Variants in SLC24A2 observed in about 807,000 individuals in gnomAD.
The protein encoded by SLC24A2 is solute carrier family 24 member 2, also known as sodium/potassium/calcium exchanger 2.
Under a neutral mutation model 62.0 loss-of-function variants are expected in SLC24A2, and 36 were observed. That is an observed-to-expected ratio of 0.58 (90% confidence interval 0.44 to 0.77). SLC24A2 has a LOEUF of 0.77. SLC24A2 is among the 30% of genes least tolerant of loss of function. The pLI is 0.00. For missense variants in SLC24A2, 846 were observed against 817.9 expected (o/e 1.03, Z -0.42); for synonymous variants, 358 against 294.0 (o/e 1.22, Z -2.23).
intron 2 of SLC24A2, among the ~76,000 whole-genome samples, chr9:19,654,618 G>T (rs1818892535): frequency 6.6e-6 from 1 of 152,136 alleles, no homozygotes; most frequent in African/African-American, 2.4e-5. Context: ...CATTTGTCCG[G>T]CAGGTCTGGG....
chr9:19,836,735 A>G, the SLC24A2 span, among the ~76,000 whole-genome samples: 2 of 152,244 alleles, frequency 1.3e-5, no homozygotes, highest in African/African-American at 4.8e-5. Flanking sequence ...TTATGAGGCC[A>G]GCATCATCCT....
intron 5 of SLC24A2, among the ~76,000 whole-genome samples, chr9:19,577,639 A>C (rs1836062211): frequency 6.6e-6 from 1 of 152,144 alleles, no homozygotes; most frequent in South Asian, 2.1e-4. Context: ...TTAAGAAGGC[A>C]ACTGATTCCA....
At chr9:20,106,725 A>G in the SLC24A2 span, among the ~76,000 whole-genome samples, 2 of 152,190 alleles carry the variant, frequency 1.3e-5, no homozygotes, top group Non-Finnish European at 1.5e-5. Context: ...ATCTATGACA[A>G]ACCCACAGCC....
At chr9:20,207,968 G>C in the SLC24A2 span, among the ~76,000 whole-genome samples, 5 of 152,172 alleles carry the variant, frequency 3.3e-5, no homozygotes, top group Admixed American at 2.0e-4. Flanking sequence ...CCTATGTCTA[G>C]CAAGACACTT....
At chr9:20,175,971 G>C in the SLC24A2 span, among the ~76,000 whole-genome samples, 1 of 151,996 alleles carries the variant, frequency 6.6e-6, no homozygotes, top group Admixed American at 6.6e-5. Flanking sequence ...GGTGTGAGCT[G>C]AGCTAGGAAG....
intron 7 of SLC24A2, among the ~76,000 whole-genome samples, chr9:19,557,291 TAGG>T (rs1337143773): frequency 6.6e-6 from 1 of 152,184 alleles, no homozygotes; most frequent in African/African-American, 2.4e-5. Flanking sequence ...ACATGAAGTG[TAGG>T]AGTTCAGTCA....
chr9:19,691,036 C>A (rs1236062279), intron 2 of SLC24A2, among the ~76,000 whole-genome samples: 3 of 152,072 alleles, frequency 2.0e-5, no homozygotes, highest in Admixed American at 6.6e-5. Context: ...ATAATGAAAA[C>A]CTTTGAAGCT....
At chr9:19,864,302 G>A in the SLC24A2 span, among the ~76,000 whole-genome samples, 12 of 151,816 alleles carry the variant, frequency 7.9e-5, no homozygotes, top group Non-Finnish European at 1.6e-4. Context: ...AGGAGGCAGA[G>A]GGAATACTTC....
At chr9:19,779,572 T>A (rs144645435) in intron 2 of SLC24A2, among the ~76,000 whole-genome samples, 163 of 152,138 alleles carry the variant, frequency 1.1e-3, no homozygotes, top group African/African-American at 3.3e-3. Context: ...ATTAACAGAT[T>A]AAGAAACATC....
chr9:19,879,562 T>C, the SLC24A2 span, among the ~76,000 whole-genome samples: 3 of 152,160 alleles, frequency 2.0e-5, no homozygotes, highest in Non-Finnish European at 4.4e-5. Context: ...TGAATAGTAA[T>C]TTTTTCATTT....
chr9:19,509,748 G>C lies in SLC24A2; in HGVS notation c.*6405C>G, dbSNP rs1398659250. 1.3e-5 allele frequency: 2 copies of C among 152,052 alleles called. No homozygotes were observed. Among genetic ancestry groups the C allele is most frequent in the Non-Finnish European group, 2.9e-5 (2 of 67,992 alleles). The allele number at this position is 152,052 out of a possible 1,614,324, so 9.4% of individuals were successfully genotyped here. A position where few individuals can be genotyped will look rare whatever the true frequency, so the allele number is the denominator to read the frequency against. ...TTTTATGACATGATTTTAAAAATTA[G>C]TATTTTCTTTTGGTTAGCTGAGTAT... On this transcript the variant is annotated 3_prime_UTR_variant, in exon 11 of 11. Coordinates refer to ENST00000341998, the MANE Select transcript of SLC24A2 (RefSeq NM_020344.4).
the SLC24A2 span, among the ~76,000 whole-genome samples, chr9:20,041,141 C>T: frequency 1.2e-4 from 18 of 152,150 alleles, no homozygotes; most frequent in South Asian, 1.9e-3. Flanking sequence ...AGAGAGAGTG[C>T]GTGTGTGTAC....
chr9:20,038,430 T>C, the SLC24A2 span, among the ~76,000 whole-genome samples: 1 of 152,174 alleles, frequency 6.6e-6, no homozygotes, highest in Admixed American at 6.5e-5. Context: ...GCTGGAATTA[T>C]ATATCCAGTG....
the SLC24A2 span, among the ~76,000 whole-genome samples, chr9:20,304,958 T>G: frequency 6.6e-6 from 1 of 151,920 alleles, no homozygotes; most frequent in Non-Finnish European, 1.5e-5. Flanking sequence ...AGTCTTATGA[T>G]CATACCATGC....
chr9:19,954,631 T>C, the SLC24A2 span, among the ~76,000 whole-genome samples: 6 of 152,200 alleles, frequency 3.9e-5, no homozygotes, highest in African/African-American at 1.4e-4. Flanking sequence ...TATCCACCTC[T>C]AGTTCTAAGA....
chr9:20,160,728 G>A, the SLC24A2 span, among the ~76,000 whole-genome samples: 11 of 150,920 alleles, frequency 7.3e-5, no homozygotes, highest in African/African-American at 7.3e-5. Flanking sequence ...AAAAACCTAC[G>A]TATTAGAATC....
chr9:19,846,962 C>T, the SLC24A2 span, among the ~76,000 whole-genome samples: 10 of 152,152 alleles, frequency 6.6e-5, no homozygotes, highest in African/African-American at 2.4e-4. Context: ...GTCGAGGCTG[C>T]AGTAAGCTGT....
the SLC24A2 span, among the ~76,000 whole-genome samples, chr9:20,070,877 T>C: frequency 3.6e-4 from 55 of 152,310 alleles, no homozygotes; most frequent in Middle Eastern, 6.8e-3. Context: ...TGGATCTATG[T>C]TCCTGCCCAA....
At chr9:19,895,546 C>CTTTCTTTCTTTCT in the SLC24A2 span, among the ~76,000 whole-genome samples, 2 of 135,330 alleles carry the variant, frequency 1.5e-5, no homozygotes, top group African/African-American at 5.4e-5. Context: ...TTCTTTCTTT[C>CTTTCTTTCTTTCT]TTTTTTTTTT....
Sources: gnomAD v4.1 joint callset for allele counts (sites outside exome capture counted in the v4.1 genomes callset) on GRCh38, gnomAD v4.1.1 for gene constraint, MANE v1.5 for transcripts, NCBI Gene and HGNC (gene_info 2026-07-23, HGNC 2026-07-21) for gene names.